VMP1: variants seen among roughly 807,000 people sequenced by gnomAD.
The protein encoded by VMP1 is vacuole membrane protein 1.
VMP1 carries 11 observed loss-of-function variants against 56.0 expected under a neutral mutation model. The ratio of observed to expected loss-of-function variants is 0.20; its 90% confidence interval spans 0.12 to 0.32. The LOEUF (loss-of-function observed/expected upper bound fraction) is 0.32. Ranked by LOEUF, VMP1 falls within the 10% of genes least tolerant of loss-of-function variation. VMP1 has a pLI of 1.00. For synonymous variants in VMP1, 149 were observed against 165.0 expected, an observed-to-expected ratio of 0.90 and a Z score of 0.74; for missense variants, 296 against 490.3, an observed-to-expected ratio of 0.60 and a Z score of 3.74.
chr17:59,774,000 A>AAAT (rs1436350816), intron 7 of VMP1, 115 bp downstream of exon 7: 6 of 1,078,824 alleles, frequency 5.6e-6, no homozygotes, highest in Non-Finnish European at 7.4e-6. Flanking sequence ...AAAAAAAAAA[A>AAAT]AAGAAAGAAA....
intron 7 of VMP1, among the ~76,000 whole-genome samples, chr17:59,792,880 ATT>A (rs1491276667): frequency 0.045 from 3,967 of 88,872 alleles, 867 homozygotes; most frequent in Non-Finnish European, 0.057. Context: ...AATAATAATT[ATT>A]ATTATTATTA....
At chr17:59,764,950 T>G (rs1405092358) in intron 5 of VMP1, 21 bp from the exon 6 acceptor site, 2 of 1,489,210 alleles carry the variant, frequency 1.3e-6, no homozygotes, top group South Asian at 1.5e-5. Flanking sequence ...TTATCAGAAG[T>G]TTCTTGTATT....
chr17:59,786,319 C>T (rs1315577542), intron 7 of VMP1, among the ~76,000 whole-genome samples: 1 of 152,150 alleles, frequency 6.6e-6, no homozygotes, highest in East Asian at 1.9e-4. Context: ...TAAATACTCA[C>T]GAAAGTGCTT....
At chr17:59,826,187 G>A (rs1278941799) in intron 10 of VMP1, among the ~76,000 whole-genome samples, 1 of 152,120 alleles carries the variant, frequency 6.6e-6, no homozygotes, top group African/African-American at 2.4e-5. Flanking sequence ...CTTGTCCGTG[G>A]TAGTTTATAT....
intron 4 of VMP1, 141 bp downstream of exon 4, chr17:59,737,684 T>C (rs2035066613): frequency 6.3e-6 from 4 of 633,662 alleles, no homozygotes; most frequent in East Asian, 3.1e-5. Context: ...TGTTTTACTT[T>C]TAAAGGCATA....
chr17:59,739,159 A>G (rs1293554919), intron 5 of VMP1, among the ~76,000 whole-genome samples: 1 of 152,196 alleles, frequency 6.6e-6, no homozygotes, highest in African/African-American at 2.4e-5. Context: ...AGAAAACCCC[A>G]GTTAAGCAAA....
rs553191578 is a variant in VMP1, at chr17:59,745,290, C to T, written c.414+6343C>T. 5.5e-4 allele frequency among the ~76,000 whole-genome samples: 84 copies of T among 152,284 alleles called. 2 individuals are homozygous for T. In the South Asian group the frequency reaches 0.017, roughly 31 times the overall value. The stretch of plus-strand genomic sequence containing the variant: ...TTTACTAGGTGGTAGTCTCTGTGAG[C>T]ATCACTTTAAATGAATTATCTCACT... On this transcript the variant is annotated intron_variant, in intron 5 of 11. Transcript: ENST00000262291.
At chr17:59,781,506 T>G (rs182166617) in intron 7 of VMP1, among the ~76,000 whole-genome samples, 1 of 152,302 alleles carries the variant, frequency 6.6e-6, no homozygotes, top group Non-Finnish European at 1.5e-5. Flanking sequence ...AAATTATTTT[T>G]TATTACGAAG....
rs971095445 is a variant in VMP1 at position 59,718,184 on chromosome 17, C to CTTTTTTT, written c.-27+10458_-27+10464dup. On this transcript the variant is annotated intron_variant, in intron 1 of 11. Coordinates refer to ENST00000262291, the MANE Select transcript of VMP1 (RefSeq NM_030938.5). ...ACTTCCTTTCTTCCTTCCCTCCCTC[C>CTTTTTTT]TTTTTTTTTTTTTTTTTTTTTTTTT... Among the ~76,000 whole-genome samples the CTTTTTTT allele has an allele frequency of 2.0e-4, 16 of 79,252 alleles. 1 individual carries two copies. The highest frequency in any genetic ancestry group is 2.2e-4 in the Non-Finnish European group (9 of 40,050). 52.0% of individuals were successfully genotyped at this position (79,252 alleles called of 152,430 possible). A position where few individuals can be genotyped will look rare whatever the true frequency, so the allele number is the denominator to read the frequency against.
In VMP1 at chr17:59,735,619, C is replaced by T. The variant is rs541213372; in HGVS notation, c.212+146C>T. ...TTACCATAGGAACATATTTATTCTC[C>T]TTTCTTTAGGTTGAAGAAAAATAGA... On this transcript the variant is annotated intron_variant, in intron 3 of 11. Transcript: ENST00000262291. 7.3e-5 allele frequency: 64 copies of T among 874,166 alleles called. No homozygotes were observed. The African/African-American group carries it at 9.9e-4, about 14-fold the overall frequency. 54.2% of individuals were successfully genotyped at this position (874,166 alleles called of 1,614,324 possible).
intron 10 of VMP1, among the ~76,000 whole-genome samples, chr17:59,821,056 C>T (rs534629648): frequency 8.6e-5 from 13 of 151,106 alleles, no homozygotes; most frequent in African/African-American, 1.7e-4. Flanking sequence ...CTGGAAGCTC[C>T]GCCTCCTGGG....
Position 59,772,950 on chromosome 17 carries a change from C to CTTTTTTTT in VMP1, c.583-781_583-774dup, listed in dbSNP as rs1179269248. Among the ~76,000 whole-genome samples the CTTTTTTTT allele has an allele frequency of 1.6e-3, 87 of 55,714 alleles. 21 individuals carry two copies. The highest frequency in any genetic ancestry group is 4.2e-3 in the African/African-American group (54 of 12,782). The allele number at this position is 55,714 out of a possible 152,430, so 36.6% of individuals were successfully genotyped here. A position where few individuals can be genotyped will look rare whatever the true frequency, so the allele number is the denominator to read the frequency against. On this transcript the variant is annotated intron_variant, in intron 6 of 11. Transcript: ENST00000262291. ...TATCTAACACATATACTGGTGAATT[C>CTTTTTTTT]TTTTTTTTTTTTTTTTTTTTTTTTT...
chr17:59,792,260 A>G (rs940377286), intron 7 of VMP1, among the ~76,000 whole-genome samples: 2 of 152,162 alleles, frequency 1.3e-5, no homozygotes, highest in African/African-American at 2.4e-5. Flanking sequence ...TAGACGGCAG[A>G]GCAAAAGTCT....
chr17:59,781,583 C>G (rs577946321), intron 7 of VMP1, among the ~76,000 whole-genome samples: 2 of 152,094 alleles, frequency 1.3e-5, no homozygotes, highest in Admixed American at 6.6e-5. Flanking sequence ...ATTTATATAC[C>G]TAAGAGTGAA....
intron 1 of VMP1, among the ~76,000 whole-genome samples, chr17:59,715,238 T>C (rs1453737063): frequency 6.6e-6 from 1 of 152,216 alleles, no homozygotes; most frequent in Admixed American, 6.5e-5. Flanking sequence ...AGGGATTTAT[T>C]AGTGTGTTTT....
chr17:59,741,961 T>G (rs1228386425), intron 5 of VMP1, among the ~76,000 whole-genome samples: 1 of 152,186 alleles, frequency 6.6e-6, no homozygotes, highest in Non-Finnish European at 1.5e-5. Flanking sequence ...TAGTTACTGG[T>G]TTTTTACTGA....
At chr17:59,723,082 G>A (rs186948869) in intron 1 of VMP1, among the ~76,000 whole-genome samples, 3 of 152,252 alleles carry the variant, frequency 2.0e-5, no homozygotes, top group Admixed American at 6.5e-5. Flanking sequence ...CTCCAGGTTT[G>A]TCACTAACTT....
intron 7 of VMP1, among the ~76,000 whole-genome samples, chr17:59,805,218 G>A (rs1464695355): frequency 1.3e-5 from 2 of 152,292 alleles, no homozygotes; most frequent in East Asian, 3.9e-4. Context: ...GATAACTAAT[G>A]AGGAGCACCC....
At chr17:59,710,353 T>G (rs947173377) in intron 1 of VMP1, among the ~76,000 whole-genome samples, 1 of 152,208 alleles carries the variant, frequency 6.6e-6, no homozygotes, top group African/African-American at 2.4e-5. Context: ...GTCATCTGGC[T>G]TAGGTAGTGC....
Sources: gnomAD v4.1 joint callset for allele counts (sites outside exome capture counted in the v4.1 genomes callset) on GRCh38, gnomAD v4.1.1 for gene constraint, MANE v1.5 for transcripts, NCBI Gene and HGNC (gene_info 2026-07-23, HGNC 2026-07-21) for gene names.